KLHL3: variants seen among roughly 807,000 people sequenced by gnomAD.
KLHL3 encodes the protein kelch like family member 3.
Under a neutral mutation model 70.5 loss-of-function variants are expected in KLHL3, and 19 were observed. The ratio of observed to expected loss-of-function variants is 0.27; its 90% CI spans 0.19 to 0.40. The LOEUF (loss-of-function observed/expected upper bound fraction) is 0.40, where lower values mean the gene tolerates loss of function less well. Among genes scored for constraint, KLHL3 ranks in the 10% least tolerant of loss-of-function variants. The probability of loss-of-function intolerance (pLI) is 1.00; values close to 1 mark genes in which losing one functional copy is unlikely to be tolerated. For missense variants in KLHL3, 512 were observed against 771.1 expected, an observed-to-expected ratio of 0.66 and a Z score of 3.98; for synonymous variants, 258 against 290.3, an observed-to-expected ratio of 0.89 and a Z score of 1.13.
intron 6 of KLHL3, among the ~76,000 whole-genome samples, chr5:137,667,519 C>G (rs962459902): frequency 2.0e-5 from 3 of 152,228 alleles, no homozygotes; most frequent in Non-Finnish European, 4.4e-5. Flanking sequence ...CACCACACTT[C>G]AGATGTAAGC....
At chr5:137,725,527 A>C (rs1753072125) in intron 1 of KLHL3, among the ~76,000 whole-genome samples, 1 of 152,226 alleles carries the variant, frequency 6.6e-6, no homozygotes, top group African/African-American at 2.4e-5. Context: ...CCAGGGTTCC[A>C]GCAACATTCA....
intron 7 of KLHL3, chr5:137,661,431 C>A (rs1301634693): frequency 6.6e-6 from 1 of 152,406 alleles, no homozygotes; most frequent in Non-Finnish European, 1.5e-5. Flanking sequence ...TTTTTACAGT[C>A]TTGAATTTGG....
intron 6 of KLHL3, among the ~76,000 whole-genome samples, chr5:137,670,292 C>T (rs1397721627): frequency 6.6e-6 from 1 of 151,950 alleles, no homozygotes; most frequent in Admixed American, 6.6e-5. Context: ...AACCTAGATT[C>T]CCAGGATATG....
At chr5:137,678,484 T>C (rs1403592415) in intron 5 of KLHL3, among the ~76,000 whole-genome samples, 1 of 152,206 alleles carries the variant, frequency 6.6e-6, no homozygotes, top group Non-Finnish European at 1.5e-5. Flanking sequence ...GGCTTTGCCA[T>C]TTATGATTAT....
At chr5:137,720,759 A>T (rs1752981716) in intron 1 of KLHL3, 175 bp from the exon 2 acceptor site, 2 of 1,432,716 alleles carry the variant, frequency 1.4e-6, no homozygotes, top group Non-Finnish European at 1.8e-6. Flanking sequence ...CTTCCAAAGC[A>T]AAGTGCATTC....
chr5:137,656,335 C>G (rs1751344817), intron 8 of KLHL3, among the ~76,000 whole-genome samples: 1 of 152,114 alleles, frequency 6.6e-6, no homozygotes, highest in African/African-American at 2.4e-5. Context: ...TTCACCTATA[C>G]TGATAATATT....
rs568847424 is a variant in KLHL3, at chr5:137,688,403, G to A, written c.526+3882C>T. ...CCATGTGTCTGGGAGGAAGTCACCC[G>A]ACAGGGAAGAGAAGAAGACACCCAC... On this transcript the variant is annotated intron_variant, in intron 5 of 14. Transcript: ENST00000309755. Among the ~76,000 whole-genome samples, 7 of 152,300 alleles carry A rather than the reference G, an allele frequency of 4.6e-5. No homozygotes were observed. In the South Asian group the frequency reaches 6.2e-4, roughly 14 times the overall value.
chr5:137,628,221 T>G (rs759422502), intron 13 of KLHL3, 76 bp downstream of exon 13: 1 of 1,551,858 alleles, frequency 6.4e-7, no homozygotes, highest in Non-Finnish European at 8.8e-7. Context: ...GAAATCTCCC[T>G]GCTGTTTAGA....
At chr5:137,730,034 G>A (rs1753149695) in intron 1 of KLHL3, among the ~76,000 whole-genome samples, 2 of 152,144 alleles carry the variant, frequency 1.3e-5, no homozygotes, top group Admixed American at 6.5e-5. Flanking sequence ...GGTACAGATC[G>A]AGTTAACATT....
At chr5:137,674,361 T>C (rs1751834247) in intron 6 of KLHL3, among the ~76,000 whole-genome samples, 2 of 152,220 alleles carry the variant, frequency 1.3e-5, no homozygotes, top group Admixed American at 6.5e-5. Context: ...GATAAATAAC[T>C]TGCCCAGGGT....
intron 1 of KLHL3, among the ~76,000 whole-genome samples, chr5:137,732,177 C>G (rs538885949): frequency 6.6e-6 from 1 of 152,268 alleles, no homozygotes. Flanking sequence ...TACATTCACA[C>G]TCACACAGAA....
At chr5:137,669,648 G>C (rs1394305222) in intron 6 of KLHL3, among the ~76,000 whole-genome samples, 1 of 152,364 alleles carries the variant, frequency 6.6e-6, no homozygotes, top group South Asian at 2.1e-4. Context: ...AGAGACGTCA[G>C]TGGTACTAAT....
At chr5:137,651,988 A>G (rs1751212366) in intron 8 of KLHL3, among the ~76,000 whole-genome samples, 1 of 152,172 alleles carries the variant, frequency 6.6e-6, no homozygotes, top group East Asian at 1.9e-4. Context: ...ACAACTGGAC[A>G]TTCATATGCA....
In KLHL3 at chr5:137,720,477, T is replaced by G. The variant is rs1752977004; in HGVS notation, c.122A>C (p.Asn41Thr). 1 of 1,614,126 alleles carries G rather than the reference T, an allele frequency of 6.2e-7. No individual in the cohort carries two copies. The highest frequency in any genetic ancestry group is 2.2e-5 in the East Asian group (1 of 44,888). The change falls in exon 2 of 15, where the codon AAT becomes ACT. Residue 41 changes from asparagine (N) to threonine (T), a missense_variant. Coordinates refer to ENST00000309755, the MANE Select transcript of KLHL3 (RefSeq NM_017415.3). ...ATAGAAAAAGTACCTCCGCAGTTCA[T>G]TCATAACCTTGAATGCTTTCCCCAT... ...AHMGKAFKVMNELRSKQLLCD... is the reference protein window; with the variant it reads ...AHMGKAFKVMTELRSKQLLCD...
chr5:137,669,035 T>C (rs1313313142), intron 6 of KLHL3, among the ~76,000 whole-genome samples: 1 of 152,126 alleles, frequency 6.6e-6, no homozygotes, highest in Non-Finnish European at 1.5e-5. Context: ...TTTCTTGTAG[T>C]TGCTTCATTT....
At chr5:137,643,221 G>A (rs1750962180) in intron 8 of KLHL3, among the ~76,000 whole-genome samples, 1 of 151,962 alleles carries the variant, frequency 6.6e-6, no homozygotes, top group South Asian at 2.1e-4. Context: ...GTGTGGTGGT[G>A]AATGCCTGTA....
At chr5:137,685,950 CTT>C (rs1752152963) in intron 5 of KLHL3, among the ~76,000 whole-genome samples, 1 of 152,206 alleles carries the variant, frequency 6.6e-6, no homozygotes, top group Non-Finnish European at 1.5e-5. Flanking sequence ...CACCCATGTG[CTT>C]TTTCTGTAAT....
Position 137,736,072 on chromosome 5 carries a change from G to A in KLHL3, c.-426C>T. The A allele has an allele frequency of 3.2e-6, 1 of 311,180 alleles. No individual in the cohort carries two copies. The highest frequency in any genetic ancestry group is 7.3e-5 in the East Asian group (1 of 13,664). The allele number at this position is 311,180 out of a possible 1,614,324, so 19.3% of individuals were successfully genotyped here. On this transcript the variant is annotated 5_prime_UTR_variant, in exon 1 of 15. Transcript: ENST00000309755. Reference sequence around the variant, plus strand: ...CGCCCCTGGGGCTCCTGCCTCCTCTGTCTAGGCTGCAAAGAATCAGGCAGT... The same window carrying A: ...CGCCCCTGGGGCTCCTGCCTCCTCTATCTAGGCTGCAAAGAATCAGGCAGT...
intron 8 of KLHL3, among the ~76,000 whole-genome samples, chr5:137,643,011 T>C (rs1750955373): frequency 6.6e-6 from 1 of 152,118 alleles, no homozygotes; most frequent in South Asian, 2.1e-4. Flanking sequence ...ATTACAGAAA[T>C]GCAAATTTTT....
Sources: gnomAD v4.1 joint callset for allele counts (sites outside exome capture counted in the v4.1 genomes callset) on GRCh38, gnomAD v4.1.1 for gene constraint, MANE v1.5 for transcripts, NCBI Gene and HGNC (gene_info 2026-07-23, HGNC 2026-07-21) for gene names.